The following HELLS variants were observed in gnomAD, a reference collection of about 807,000 sequenced individuals.
HELLS encodes the protein lymphoid-specific helicase.
HELLS carries 32 observed loss-of-function variants against 120.0 expected under a neutral mutation model. That is an observed-to-expected ratio of 0.27 (90% CI 0.20 to 0.36). HELLS has a LOEUF of 0.36. HELLS is among the 10% of genes least tolerant of loss of function. HELLS has a pLI of 1.00. For missense variants in HELLS, 650 were observed against 993.4 expected (o/e 0.65, Z 4.65); for synonymous variants, 341 against 323.4 (o/e 1.05, Z -0.58).
At chr10:94,598,606 GTTT>G (rs58356300) in intron 21 of HELLS, among the ~76,000 whole-genome samples, 31 of 139,142 alleles carry the variant, frequency 2.2e-4, no homozygotes, top group African/African-American at 3.7e-4. Context: ...TTGGTTGGAA[GTTT>G]TTTTTTTTTT....
rs538335266 is a variant in HELLS, at chr10:94,567,612, A to G, written c.436-3776A>G. Among the ~76,000 whole-genome samples, 31 of 152,258 alleles carry G rather than the reference A, an allele frequency of 2.0e-4. 1 individual carries two copies. Among genetic ancestry groups the G allele is most frequent in the African/African-American group, 6.7e-4 (28 of 41,576 alleles). On this transcript the variant is annotated intron_variant, in intron 6 of 21. Coordinates refer to ENST00000348459, the MANE Select transcript of HELLS (RefSeq NM_018063.5). ...GCACCGGCCTATTTCCAAGCTTTTTAAGAGTAGGCTGGACTGGACATGATG... is the reference window on the plus strand; with the variant it reads ...GCACCGGCCTATTTCCAAGCTTTTTGAGAGTAGGCTGGACTGGACATGATG...
At position 94,545,909 on chromosome 10, in the gene HELLS, T is replaced by C. The variant is rs752672463; in HGVS notation, c.-13T>C. On this transcript the variant is annotated 5_prime_UTR_variant, in exon 1 of 22. Coordinates refer to ENST00000348459, the MANE Select transcript of HELLS (RefSeq NM_018063.5). ...GAGAGGAGGGGACCCGGTTCCCGGG[T>C]GAGTGTCCAGGCATGCCAGCGGAAC... 7.1e-6 allele frequency: 11 copies of C among 1,553,280 alleles called. No homozygotes were observed. The highest frequency in any genetic ancestry group is 7.8e-6 in the Non-Finnish European group (9 of 1,147,970).
intron 13 of HELLS, among the ~76,000 whole-genome samples, chr10:94,589,182 CG>C (rs1564611574): frequency 6.6e-6 from 1 of 151,996 alleles, no homozygotes; most frequent in African/African-American, 2.4e-5. Context: ...TGTATATTTC[CG>C]TACAGATTAA....
chr10:94,605,079 C>CAA, downstream of HELLS, among the ~76,000 whole-genome samples: 1 of 128,926 alleles, frequency 7.8e-6, no homozygotes, highest in Non-Finnish European at 1.7e-5. Context: ...GTCTCCCCCC[C>CAA]CCCCCCTTTT....
At chr10:94,570,707 A>G (rs1844101680) in intron 6 of HELLS, 1 of 151,782 alleles carries the variant, frequency 6.6e-6, no homozygotes, top group Non-Finnish European at 1.5e-5. Context: ...TCTCCCTACC[A>G]GCAGCATCTA....
In HELLS at chr10:94,562,808, A is replaced by ATTTTTGATAAATATTT; in HGVS notation, c.371-3_371-2insTTTTGATAAATATTTT. 1.9e-6 allele frequency: 3 copies of ATTTTTGATAAATATTT among 1,548,464 alleles called. No homozygotes were observed. Among genetic ancestry groups the ATTTTTGATAAATATTT allele is most frequent in the Non-Finnish European group, 2.6e-6 (3 of 1,134,038 alleles). On this transcript the variant is annotated splice_region_variant and splice_polypyrimidine_tract_variant and intron_variant, in intron 5 of 21. Coordinates refer to ENST00000348459, the MANE Select transcript of HELLS (RefSeq NM_018063.5). ...GCTATCAAAAATAAAATTTTTTTTTATAGTTATGAGGAAAAAAAGAGGAAG... is the reference window on the plus strand; with the variant it reads ...GCTATCAAAAATAAAATTTTTTTTTATTTTTGATAAATATTTTAGTTATGAGGAAAAAAAGAGGAAG...
chr10:94,601,396 GC>G (rs1352771826), intron 21 of HELLS, 131 bp from the exon 22 acceptor site: 2 of 577,240 alleles, frequency 3.5e-6, no homozygotes, highest in Admixed American at 7.2e-5. Flanking sequence ...GGAAGAGAGT[GC>G]CCTGTATTAC....
chr10:94,563,946 G>T (rs1843673370), intron 6 of HELLS, among the ~76,000 whole-genome samples: 1 of 151,980 alleles, frequency 6.6e-6, no homozygotes, highest in Admixed American at 6.6e-5. Flanking sequence ...GAGTAGCTGG[G>T]ATTACAGGCA....
chr10:94,599,633 C>T lies in HELLS; in HGVS notation c.2423-1895C>T, dbSNP rs575663598. On this transcript the variant is annotated intron_variant, in intron 21 of 21. Coordinates refer to ENST00000348459, the MANE Select transcript of HELLS (RefSeq NM_018063.5). ...CATCCTCCTAAAGTGCTGGCATTATCGAAACTGCTTTTATTTGCAAGTGGT... is the reference window on the plus strand; with the variant it reads ...CATCCTCCTAAAGTGCTGGCATTATTGAAACTGCTTTTATTTGCAAGTGGT... Among the ~76,000 whole-genome samples, 21 of 152,182 alleles carry T rather than the reference C, an allele frequency of 1.4e-4. 1 individual carries two copies. In the South Asian group the frequency reaches 3.5e-3, roughly 26 times the overall value.
At chr10:94,557,335 G>T in intron 3 of HELLS, 1 of 204,836 alleles carries the variant, frequency 4.9e-6, no homozygotes, top group Non-Finnish European at 1.0e-5. Flanking sequence ...CTTTTTTATG[G>T]TAAAGTAAAA....
chr10:94,579,843 TAGTATA>T, intron 10 of HELLS, among the ~76,000 whole-genome samples: 1 of 152,164 alleles, frequency 6.6e-6, no homozygotes, highest in Non-Finnish European at 1.5e-5. Flanking sequence ...TTCTACTCAG[TAGTATA>T]ACATGAAGAC....
Position 94,594,688 on chromosome 10 carries a change from C to T in HELLS, c.2089-7C>T. On this transcript the variant is annotated splice_region_variant and splice_polypyrimidine_tract_variant and intron_variant, in intron 18 of 21. Transcript: ENST00000348459. ...CGTTAAATATTATTTTTCTTTTTAA[C>T]TTTAAGAACCCCCAGTCGGATCTTC... 3 of 1,584,296 alleles carry T rather than the reference C, an allele frequency of 1.9e-6. No homozygotes were observed. The highest frequency in any genetic ancestry group is 2.6e-6 in the Non-Finnish European group (3 of 1,168,932).
chr10:94,590,002 ATAATTAATTATAAT>A (rs575746235), intron 13 of HELLS, among the ~76,000 whole-genome samples: 2 of 152,114 alleles, frequency 1.3e-5, no homozygotes, highest in Non-Finnish European at 2.9e-5. Flanking sequence ...TCCCTTTTTA[ATAATTAATTATAAT>A]TAAAGGAAGG....
chr10:94,573,207 C>G (rs1844265376), intron 7 of HELLS, among the ~76,000 whole-genome samples: 2 of 152,314 alleles, frequency 1.3e-5, no homozygotes, highest in African/African-American at 4.8e-5. Flanking sequence ...ATCTGCCTGC[C>G]TTGGCCTCCC....
At chr10:94,554,311 G>C in intron 3 of HELLS, 63 bp downstream of exon 3, 1 of 1,231,674 alleles carries the variant, frequency 8.1e-7, no homozygotes, top group Non-Finnish European at 1.1e-6. Context: ...CTTTATTGAA[G>C]TGTATATTAT....
chr10:94,565,122 A>G (rs2134025833), intron 6 of HELLS, among the ~76,000 whole-genome samples: 1 of 152,318 alleles, frequency 6.6e-6, no homozygotes, highest in East Asian at 1.9e-4. Context: ...GGATCCCGTG[A>G]GGCCAGGAGT....
In HELLS at chr10:94,578,697, A is replaced by G. The variant is rs535761770; in HGVS notation, c.1032+1892A>G. On this transcript the variant is annotated intron_variant, in intron 10 of 21. Transcript: ENST00000348459. ...CCAAGTGAGACTGTGTCTCAAAATA[A>G]TAATAATTTTACAACTCAACATAAC... 5.3e-5 allele frequency among the ~76,000 whole-genome samples: 8 copies of G among 152,306 alleles called. No individual in the cohort carries two copies. The East Asian group carries it at 1.4e-3, about 26-fold the overall frequency.
At chr10:94,557,658 C>A (rs184662502) in intron 3 of HELLS, among the ~76,000 whole-genome samples, 20 of 152,332 alleles carry the variant, frequency 1.3e-4, no homozygotes, top group Admixed American at 6.5e-4. Context: ...CATGCACTTA[C>A]CAGTACTCAG....
intron 10 of HELLS, among the ~76,000 whole-genome samples, chr10:94,577,886 C>T (rs2134065685): frequency 6.6e-6 from 1 of 152,080 alleles, no homozygotes; most frequent in African/African-American, 2.4e-5. Flanking sequence ...AAGGTGAAAC[C>T]CCGTCTCTAC....
Sources: gnomAD v4.1 joint callset for allele counts (sites outside exome capture counted in the v4.1 genomes callset) on GRCh38, gnomAD v4.1.1 for gene constraint, MANE v1.5 for transcripts, NCBI Gene and HGNC (gene_info 2026-07-23, HGNC 2026-07-21) for gene names.